BRINP3: variants seen among roughly 807,000 people sequenced by gnomAD.
BRINP3 encodes BMP/retinoic acid-inducible neural-specific protein 3.
In BRINP3, 19 loss-of-function variants were observed where a neutral mutation model predicts 71.0. That is an observed-to-expected ratio of 0.27 (90% CI 0.19 to 0.39). The LOEUF (loss-of-function observed/expected upper bound fraction) is 0.39. Ranked by LOEUF, BRINP3 falls within the 10% of genes least tolerant of loss-of-function variation. The pLI is 1.00. For synonymous variants in BRINP3, 380 were observed against 337.7 expected, an observed-to-expected ratio of 1.13 and a Z score of -1.37; for missense variants, 959 against 940.8, an observed-to-expected ratio of 1.02 and a Z score of -0.25.
At chr1:190,384,415 A>G (rs973350606) in intron 2 of BRINP3, among the ~76,000 whole-genome samples, 8 of 151,876 alleles carry the variant, frequency 5.3e-5, no homozygotes, top group Non-Finnish European at 8.8e-5. Flanking sequence ...GGATTTAGGT[A>G]TGTTTTGCTT....
rs150208311 is a variant in BRINP3, at chr1:190,254,679, A to T, written c.618+10186T>A. Among the ~76,000 whole-genome samples the T allele has an allele frequency of 1.4e-3, 208 of 152,284 alleles. 6 individuals carry two copies. In the East Asian group the frequency reaches 0.038, roughly 28 times the overall value. On this transcript the variant is annotated intron_variant, in intron 4 of 7. Coordinates refer to ENST00000367462, the MANE Select transcript of BRINP3 (RefSeq NM_199051.3). Reference sequence around the variant, plus strand: ...CAGCTTAAGGAAATTTTGGGCTGAGACGATGGGGTTTTCTAAATATACAAT... The same window carrying T: ...CAGCTTAAGGAAATTTTGGGCTGAGTCGATGGGGTTTTCTAAATATACAAT...
At chr1:190,321,525 C>A (rs1182085464) in intron 2 of BRINP3, among the ~76,000 whole-genome samples, 1 of 151,928 alleles carries the variant, frequency 6.6e-6, no homozygotes, top group Non-Finnish European at 1.5e-5. Context: ...AGAACCAAGT[C>A]AATGTAATAA....
intron 2 of BRINP3, among the ~76,000 whole-genome samples, chr1:190,391,923 T>G (rs1671275066): frequency 1.3e-5 from 2 of 151,760 alleles, no homozygotes; most frequent in African/African-American, 2.4e-5. Flanking sequence ...AAAGCCATCA[T>G]TTTTGGTTCC....
intron 4 of BRINP3, among the ~76,000 whole-genome samples, chr1:190,259,247 T>C (rs1005990894): frequency 6.6e-6 from 1 of 150,952 alleles, no homozygotes; most frequent in East Asian, 1.9e-4. Flanking sequence ...CTCAGCAAAC[T>C]ACTGGCAAAC....
intron 2 of BRINP3, among the ~76,000 whole-genome samples, chr1:190,331,839 T>C (rs1016375855): frequency 6.6e-6 from 1 of 152,060 alleles, no homozygotes; most frequent in African/African-American, 2.4e-5. Context: ...AATTAATAAA[T>C]TATGCTTAGC....
At chr1:190,300,985 C>T (rs868234319) in intron 2 of BRINP3, among the ~76,000 whole-genome samples, 7 of 151,148 alleles carry the variant, frequency 4.6e-5, no homozygotes, top group East Asian at 3.9e-4. Flanking sequence ...CTCTGAGCTA[C>T]GGGAGGACAT....
At chr1:190,434,404 C>G (rs1674314505) in intron 2 of BRINP3, among the ~76,000 whole-genome samples, 1 of 151,964 alleles carries the variant, frequency 6.6e-6, no homozygotes, top group Non-Finnish European at 1.5e-5. Context: ...CCCACCGTTC[C>G]CAGCCCAAAA....
intron 2 of BRINP3, among the ~76,000 whole-genome samples, chr1:190,451,785 T>C (rs1418772461): frequency 1.3e-5 from 2 of 152,236 alleles, no homozygotes; most frequent in Non-Finnish European, 2.9e-5. Context: ...ATCTTAGCCC[T>C]AGCTATGATT....
rs6661272 is a variant in BRINP3 at position 190,239,794 on chromosome 1, A to T, written c.619-5317T>A. 2.9e-3 allele frequency among the ~76,000 whole-genome samples: 444 copies of T among 152,166 alleles called. 3 individuals carry two copies. Among genetic ancestry groups the T allele is most frequent in the African/African-American group, 0.01 (433 of 41,578 alleles). ...TTTATCAATCATCCATGCATATGTA[A>T]TAAAATGCAAATTTGGATTTTCATA... On this transcript the variant is annotated intron_variant, in intron 4 of 7. Transcript: ENST00000367462.
chr1:190,461,910 C>A (rs993304453), intron 1 of BRINP3, among the ~76,000 whole-genome samples: 2 of 151,922 alleles, frequency 1.3e-5, no homozygotes, highest in Non-Finnish European at 2.9e-5. Flanking sequence ...GCAAAATATT[C>A]TTTAATTTTA....
chr1:190,381,205 T>G (rs979045448), intron 2 of BRINP3, among the ~76,000 whole-genome samples: 1 of 152,148 alleles, frequency 6.6e-6, no homozygotes, highest in African/African-American at 2.4e-5. Context: ...TTTTTTAAAA[T>G]TTACGTGTGT....
intron 6 of BRINP3, among the ~76,000 whole-genome samples, chr1:190,223,803 T>C (rs555252496): frequency 9.4e-4 from 142 of 151,868 alleles, no homozygotes; most frequent in Non-Finnish European, 1.4e-3. Flanking sequence ...TTAAAATTGA[T>C]AAAAACATTC....
chr1:190,329,078 CA>C (rs1666795854), intron 2 of BRINP3, among the ~76,000 whole-genome samples: 1 of 151,846 alleles, frequency 6.6e-6, no homozygotes, highest in African/African-American at 2.4e-5. Flanking sequence ...GCTGACCAGG[CA>C]AAAACTGGAA....
Position 190,362,870 on chromosome 1 carries a change from AC to A in BRINP3, c.237-81121del, listed in dbSNP as rs553927200. On this transcript the variant is annotated intron_variant, in intron 2 of 7. Coordinates refer to ENST00000367462, the MANE Select transcript of BRINP3 (RefSeq NM_199051.3). The stretch of plus-strand genomic sequence containing the variant: ...TTAAATCTCTTTTTATTTATAAATT[AC>A]CCAGTGATGGGTATGTCTTTATCAG... Among the ~76,000 whole-genome samples, 335 of 152,292 alleles carry A rather than the reference AC, an allele frequency of 2.2e-3. 1 individual carries two copies. The highest frequency in any genetic ancestry group is 3.2e-3 in the Non-Finnish European group (217 of 68,010).
At chr1:190,146,144 C>A (rs2102405542) in intron 7 of BRINP3, among the ~76,000 whole-genome samples, 1 of 152,194 alleles carries the variant, frequency 6.6e-6, no homozygotes, top group African/African-American at 2.4e-5. Flanking sequence ...CCTCAGAAAT[C>A]ATCAATAAAG....
At chr1:190,226,027 T>G in intron 6 of BRINP3, 55 bp downstream of exon 6, 1 of 1,168,752 alleles carries the variant, frequency 8.6e-7, no homozygotes. Flanking sequence ...AATTAGCCAT[T>G]TCAATATATT....
intron 2 of BRINP3, among the ~76,000 whole-genome samples, chr1:190,288,723 A>T (rs1177851858): frequency 6.6e-6 from 1 of 151,910 alleles, no homozygotes; most frequent in Non-Finnish European, 1.5e-5. Context: ...TTGTGCCAGG[A>T]TGTTAATTTT....
chr1:190,178,724 T>C (rs944928189), intron 6 of BRINP3, among the ~76,000 whole-genome samples: 1 of 152,054 alleles, frequency 6.6e-6, no homozygotes, highest in Non-Finnish European at 1.5e-5. Context: ...CCTATAAATA[T>C]ACAGGCAACC....
intron 2 of BRINP3, among the ~76,000 whole-genome samples, chr1:190,287,068 GA>G (rs141757758): frequency 2.5e-4 from 37 of 145,604 alleles, no homozygotes; most frequent in East Asian, 6.1e-4. Context: ...AAAAAAAAAA[GA>G]AAAAAAAAAT....
Sources: gnomAD v4.1 joint callset for allele counts (sites outside exome capture counted in the v4.1 genomes callset) on GRCh38, gnomAD v4.1.1 for gene constraint, MANE v1.5 for transcripts, NCBI Gene and HGNC (gene_info 2026-07-23, HGNC 2026-07-21) for gene names.